CYB5B: variants seen among roughly 807,000 people sequenced by gnomAD.
CYB5B encodes the protein cytochrome b5 type B (outer mitochondrial membrane).
Under a neutral mutation model 21.3 loss-of-function variants are expected in CYB5B, and 14 were observed. That is an observed-to-expected ratio of 0.66 (90% CI 0.43 to 1.03). CYB5B has a LOEUF of 1.03. Among genes scored for constraint, CYB5B ranks in the 50% least tolerant of loss-of-function variants. The pLI is 0.00. For synonymous variants in CYB5B, 69 were observed against 68.4 expected (o/e 1.01, Z -0.04); for missense variants, 166 against 185.1 (o/e 0.90, Z 0.60).
intron 3 of CYB5B, among the ~76,000 whole-genome samples, chr16:69,451,995 G>C (rs2014938057): frequency 6.8e-6 from 1 of 147,984 alleles, no homozygotes. Flanking sequence ...GAGACTTTTA[G>C]TTCCCCTTCC....
At chr16:69,457,444 A>G (rs1488680445) in intron 3 of CYB5B, among the ~76,000 whole-genome samples, 3 of 152,280 alleles carry the variant, frequency 2.0e-5, no homozygotes, top group African/African-American at 7.2e-5. Flanking sequence ...AATCATTGGT[A>G]TTTATGTAGC....
At chr16:69,429,208 G>T (rs2014679453) in intron 1 of CYB5B, among the ~76,000 whole-genome samples, 1 of 152,136 alleles carries the variant, frequency 6.6e-6, no homozygotes, top group Admixed American at 6.6e-5. Flanking sequence ...GCTCTTAAAG[G>T]TGGCACAGAC....
chr16:69,457,230 C>T (rs1467941366), intron 3 of CYB5B, among the ~76,000 whole-genome samples: 1 of 152,150 alleles, frequency 6.6e-6, no homozygotes, highest in Non-Finnish European at 1.5e-5. Context: ...TTCTAAGGCT[C>T]ACCCTACTTA....
intron 1 of CYB5B, among the ~76,000 whole-genome samples, chr16:69,431,711 G>A (rs1375025174): frequency 6.6e-6 from 1 of 152,078 alleles, no homozygotes; most frequent in Non-Finnish European, 1.5e-5. Flanking sequence ...CATCGAGGCT[G>A]CAGTGAGCCG....
chr16:69,444,518 G>T (rs1404481490), intron 1 of CYB5B, among the ~76,000 whole-genome samples: 1 of 152,084 alleles, frequency 6.6e-6, no homozygotes, highest in East Asian at 1.9e-4. Context: ...ACTCTATCTG[G>T]AGACTATAGA....
At chr16:69,450,589 G>C (rs1191612404) in intron 3 of CYB5B, among the ~76,000 whole-genome samples, 1 of 152,134 alleles carries the variant, frequency 6.6e-6, no homozygotes, top group Non-Finnish European at 1.5e-5. Context: ...AGAAATTCTT[G>C]ATCTCTCAGA....
chr16:69,429,727 A>T (rs1033898784), intron 1 of CYB5B, among the ~76,000 whole-genome samples: 4 of 152,180 alleles, frequency 2.6e-5, no homozygotes, highest in African/African-American at 9.7e-5. Flanking sequence ...ATGAAAGAAA[A>T]ATGAGTCAAG....
chr16:69,437,962 T>C (rs1487398214), intron 1 of CYB5B, among the ~76,000 whole-genome samples: 1 of 152,236 alleles, frequency 6.6e-6, no homozygotes, highest in Non-Finnish European at 1.5e-5. Flanking sequence ...TACAGTTCAA[T>C]GGCATTAAGT....
At chr16:69,458,360 A>G (rs2015001765) in intron 3 of CYB5B, among the ~76,000 whole-genome samples, 1 of 152,078 alleles carries the variant, frequency 6.6e-6, no homozygotes, top group Non-Finnish European at 1.5e-5. Context: ...AACTCTATTG[A>G]TTGTCCTGTT....
At chr16:69,451,463 C>G (rs1298656558) in intron 3 of CYB5B, among the ~76,000 whole-genome samples, 5 of 152,126 alleles carry the variant, frequency 3.3e-5, no homozygotes, top group Admixed American at 6.5e-5. Flanking sequence ...CGTAACCTGA[C>G]TAAAAAAGTG....
chr16:69,429,064 G>A (rs757573559), intron 1 of CYB5B, among the ~76,000 whole-genome samples: 22 of 152,184 alleles, frequency 1.4e-4, no homozygotes, highest in South Asian at 1.0e-3. Flanking sequence ...ACTTAATGGC[G>A]TAATAGGATC....
chr16:69,445,191 G>GA (rs1479524183), intron 1 of CYB5B, among the ~76,000 whole-genome samples: 1 of 152,204 alleles, frequency 6.6e-6, no homozygotes, highest in Non-Finnish European at 1.5e-5. Flanking sequence ...CAGAACTGAT[G>GA]ACTTAGTTCC....
intron 3 of CYB5B, among the ~76,000 whole-genome samples, chr16:69,453,963 C>T (rs1243164969): frequency 1.3e-5 from 2 of 152,096 alleles, no homozygotes; most frequent in Non-Finnish European, 2.9e-5. Flanking sequence ...GACAAAATAC[C>T]CTTTGCTGAG....
intron 1 of CYB5B, among the ~76,000 whole-genome samples, chr16:69,434,127 C>G (rs2014734202): frequency 6.6e-6 from 1 of 152,222 alleles, no homozygotes; most frequent in Admixed American, 6.5e-5. Flanking sequence ...TTATTTCTAA[C>G]ACTATAGTAC....
chr16:69,427,134 G>T lies in CYB5B; in HGVS notation c.174+2277G>T, dbSNP rs546695410. Among the ~76,000 whole-genome samples the T allele has an allele frequency of 3.9e-5, 6 of 152,256 alleles. No homozygotes were observed. The South Asian group carries it at 1.0e-3, about 26-fold the overall frequency. On this transcript the variant is annotated intron_variant, in intron 1 of 4. Transcript: ENST00000307892. Reference sequence around the variant, plus strand: ...ACCTGTGATCTCAGCTACTTGGGAGGCTAAGGTAGGAGAATCGCTTAAACC... The same window carrying T: ...ACCTGTGATCTCAGCTACTTGGGAGTCTAAGGTAGGAGAATCGCTTAAACC...
Position 69,459,078 on chromosome 16 carries a change from T to TC in CYB5B, c.334-15_334-14insC. 1 of 1,585,756 alleles carries TC rather than the reference T, an allele frequency of 6.3e-7. No homozygotes were observed. The highest frequency in any genetic ancestry group is 1.4e-5 in the African/African-American group (1 of 72,708). On this transcript the variant is annotated splice_polypyrimidine_tract_variant and intron_variant, in intron 3 of 4. Transcript: ENST00000307892. Reference sequence around the variant, plus strand: ...TTGTTTGTTATTTTTGAATTTTTTTTTTTTTTTATTTCAGGACCCTTCAAA... The same window carrying TC: ...TTGTTTGTTATTTTTGAATTTTTTTTCTTTTTTTATTTCAGGACCCTTCAAA...
chr16:69,461,970 G>A (rs187148242), intron 4 of CYB5B, among the ~76,000 whole-genome samples: 34 of 152,304 alleles, frequency 2.2e-4, no homozygotes, highest in African/African-American at 7.5e-4. Context: ...ATTTCTGGTA[G>A]TTATATTAGA....
intron 1 of CYB5B, among the ~76,000 whole-genome samples, chr16:69,437,668 T>C (rs1191153641): frequency 1.3e-5 from 2 of 152,184 alleles, no homozygotes; most frequent in Non-Finnish European, 1.5e-5. Context: ...TCAGTGGCGT[T>C]AATTACGTTT....
chr16:69,459,868 C>T (rs1456845283), intron 4 of CYB5B, among the ~76,000 whole-genome samples: 4 of 152,082 alleles, frequency 2.6e-5, no homozygotes, highest in Non-Finnish European at 5.9e-5. Flanking sequence ...AATTTAGTTT[C>T]CTTAATATTA....
Sources: allele counts gnomAD v4.1 joint callset (sites outside exome capture counted in the v4.1 genomes callset), GRCh38; gene constraint gnomAD v4.1.1; transcripts MANE v1.5; gene names NCBI Gene and HGNC (gene_info 2026-07-23, HGNC 2026-07-21).